FHOD3: variants seen among roughly 807,000 people sequenced by gnomAD.
FHOD3 encodes the protein formin homology 2 domain containing 3.
In FHOD3, 90 loss-of-function variants were observed where a neutral mutation model predicts 173.0. The observed-to-expected ratio is 0.52, with a 90% CI of 0.44 to 0.62. The LOEUF (loss-of-function observed/expected upper bound fraction) is 0.62. FHOD3 is among the 20% of genes least tolerant of loss of function. The pLI is 0.00. For missense variants in FHOD3, 1,945 were observed against 2,034.7 expected (o/e 0.96, Z 0.85); for synonymous variants, 828 against 823.0 (o/e 1.01, Z -0.10).
intron 3 of FHOD3, among the ~76,000 whole-genome samples, chr18:36,376,934 C>T (rs1432868431): frequency 5.3e-5 from 8 of 152,178 alleles, no homozygotes; most frequent in Non-Finnish European, 8.8e-5. Context: ...CTCCCTGGGG[C>T]GCTGTGTTGA....
At chr18:36,593,068 C>T (rs780680110) in intron 6 of FHOD3, among the ~76,000 whole-genome samples, 8 of 152,052 alleles carry the variant, frequency 5.3e-5, no homozygotes, top group African/African-American at 1.9e-4. Flanking sequence ...CAAAAAGAAC[C>T]AATGAAAAAG....
chr18:36,681,665 A>T, intron 15 of FHOD3, 95 bp downstream of exon 15: 1 of 1,354,468 alleles, frequency 7.4e-7, no homozygotes, highest in South Asian at 1.5e-5. Flanking sequence ...GCATTAAAGG[A>T]AGTAATGAAA....
intron 10 of FHOD3, among the ~76,000 whole-genome samples, chr18:36,643,607 C>T (rs569701357): frequency 6.6e-6 from 1 of 152,250 alleles, no homozygotes; most frequent in South Asian, 2.1e-4. Context: ...GCATTCTTTT[C>T]ATCACTTGGT....
chr18:36,332,087 C>G (rs987052534), intron 1 of FHOD3, among the ~76,000 whole-genome samples: 1 of 152,164 alleles, frequency 6.6e-6, no homozygotes, highest in African/African-American at 2.4e-5. Context: ...TTCCCTTCAG[C>G]CAGAGTCCTC....
chr18:36,618,456 G>T (rs1030906816), intron 9 of FHOD3, among the ~76,000 whole-genome samples: 3 of 151,748 alleles, frequency 2.0e-5, no homozygotes, highest in Admixed American at 6.6e-5. Flanking sequence ...GGGATTACAG[G>T]TGTGCGCCAC....
At position 36,779,445 on chromosome 18, in the gene FHOD3, CA is replaced by C; in HGVS notation, c.4787-2del. The C allele has an allele frequency of 1.2e-6, 2 of 1,614,042 alleles. No homozygotes were observed. Among genetic ancestry groups the C allele is most frequent in the Non-Finnish European group, 1.7e-6 (2 of 1,179,910 alleles). Reference sequence around the variant, plus strand: ...TTGGGTGTGACCTGCACCACCACTGCAGTGCGAAGAACCCTGAAGAGCGGCC... The same window carrying C: ...TTGGGTGTGACCTGCACCACCACTGCGTGCGAAGAACCCTGAAGAGCGGCC... On this transcript the variant is annotated splice_acceptor_variant, in intron 28 of 28. Transcript: ENST00000590592. LOFTEE classifies it high-confidence loss of function.
chr18:36,769,404 A>G lies in FHOD3; in HGVS notation c.4764A>G (p.Arg1588=), dbSNP rs148897545. 1.2e-6 allele frequency: 2 copies of G among 1,614,130 alleles called. No homozygotes were observed. The highest frequency in any genetic ancestry group is 1.7e-6 in the Non-Finnish European group (2 of 1,180,016). The change falls in exon 28 of 29, where the codon CGA becomes CGG. Residue 1588 remains arginine, a synonymous_variant. Coordinates refer to ENST00000590592, the MANE Select transcript of FHOD3 (RefSeq NM_001281740.3). ...GAGTGGTGCCGAGGGAGAGGAAACG[A>G]TCCCGGGCCAACCGGAAATCTTGTG... The part of the protein sequence containing the change: ...SQRVVPRERK[R]SRANRKSLRR...
chr18:36,315,559 T>C (rs1392161418), intron 1 of FHOD3, among the ~76,000 whole-genome samples: 2 of 152,154 alleles, frequency 1.3e-5, no homozygotes, highest in African/African-American at 4.8e-5. Context: ...CCTGGGGGGC[T>C]CTGGAACATC....
chr18:36,512,894 A>T (rs1555735263), intron 5 of FHOD3, among the ~76,000 whole-genome samples: 1 of 152,178 alleles, frequency 6.6e-6, no homozygotes, highest in Non-Finnish European at 1.5e-5. Flanking sequence ...GCCACCCCAA[A>T]CCAAAGGGGG....
intron 3 of FHOD3, among the ~76,000 whole-genome samples, chr18:36,486,728 C>A (rs1288634403): frequency 1.3e-5 from 2 of 152,168 alleles, no homozygotes; most frequent in Admixed American, 6.5e-5. Context: ...CATTTTAAAT[C>A]CAGTTCACCT....
intron 5 of FHOD3, among the ~76,000 whole-genome samples, chr18:36,552,618 C>T (rs2147380632): frequency 6.6e-6 from 1 of 151,990 alleles, no homozygotes; most frequent in Admixed American, 6.6e-5. Context: ...CCTGCCTCAG[C>T]CTCCCAAGTA....
At chr18:36,564,122 C>T (rs913282515) in intron 5 of FHOD3, among the ~76,000 whole-genome samples, 12 of 152,186 alleles carry the variant, frequency 7.9e-5, no homozygotes, top group Non-Finnish European at 1.0e-4. Flanking sequence ...CACATGAGCG[C>T]GAATGAGACA....
intron 3 of FHOD3, among the ~76,000 whole-genome samples, chr18:36,496,176 C>T (rs1336195375): frequency 6.6e-6 from 1 of 152,170 alleles, no homozygotes; most frequent in Admixed American, 6.5e-5. Context: ...CCAGAGGACA[C>T]CTCACATGGC....
chr18:36,349,656 A>G (rs913991717), intron 1 of FHOD3, among the ~76,000 whole-genome samples: 28 of 152,240 alleles, frequency 1.8e-4, no homozygotes, highest in African/African-American at 6.5e-4. Flanking sequence ...GATAATCATT[A>G]AGCTACCCCA....
At chr18:36,398,956 T>C (rs1400027803) in intron 3 of FHOD3, among the ~76,000 whole-genome samples, 5 of 152,130 alleles carry the variant, frequency 3.3e-5, no homozygotes. Flanking sequence ...GTCTGGCTGG[T>C]GTTGAGACTA....
intron 10 of FHOD3, among the ~76,000 whole-genome samples, chr18:36,637,818 C>T (rs2034998794): frequency 6.6e-6 from 1 of 152,078 alleles, no homozygotes; most frequent in African/African-American, 2.4e-5. Context: ...TTACTGCATC[C>T]CTGTGGTACA....
chr18:36,681,645 T>C (rs191074486), intron 15 of FHOD3, 75 bp downstream of exon 15: 2 of 1,460,594 alleles, frequency 1.4e-6, no homozygotes, highest in Non-Finnish European at 1.8e-6. Context: ...ACTGTATACA[T>C]TTAATATTGG....
intron 3 of FHOD3, among the ~76,000 whole-genome samples, chr18:36,391,446 G>A (rs564586996): frequency 2.6e-5 from 4 of 152,202 alleles, no homozygotes; most frequent in East Asian, 1.9e-4. Context: ...ATTTTTTCTC[G>A]ATGATAGGAG....
rs550679424 is a variant in FHOD3 at position 36,586,046 on chromosome 18, C to G, written c.607-8741C>G. Among the ~76,000 whole-genome samples the G allele has an allele frequency of 1.2e-4, 18 of 152,332 alleles. 1 individual carries two copies. The South Asian group carries it at 1.5e-3, about 12-fold the overall frequency. ...AAAGAGATGTGAGCTGCCTGCCACA[C>G]TCTTCTAACAGCACATTTGCCAAAC... On this transcript the variant is annotated intron_variant, in intron 6 of 28. Coordinates refer to ENST00000590592, the MANE Select transcript of FHOD3 (RefSeq NM_001281740.3).
Sources: gnomAD v4.1 joint callset for allele counts (sites outside exome capture counted in the v4.1 genomes callset) on GRCh38, gnomAD v4.1.1 for gene constraint, MANE v1.5 for transcripts, NCBI Gene and HGNC (gene_info 2026-07-23, HGNC 2026-07-21) for gene names.